The following PPP2R2B variants were observed in gnomAD, a reference collection of about 807,000 sequenced individuals.
PPP2R2B encodes the protein serine/threonine-protein phosphatase 2A 55 kDa regulatory subunit B beta isoform.
Under a neutral mutation model 46.0 loss-of-function variants are expected in PPP2R2B, and 5 were observed. That is an observed-to-expected ratio of 0.11 (90% CI 0.06 to 0.23). The LOEUF is 0.23. Among genes scored for constraint, PPP2R2B ranks in the 10% least tolerant of loss-of-function variants. The pLI is 1.00. For synonymous variants in PPP2R2B, 215 were observed against 206.7 expected (o/e 1.04, Z -0.34); for missense variants, 367 against 575.0 (o/e 0.64, Z 3.70).
chr5:146,624,320 T>C lies in PPP2R2B; in HGVS notation c.790+13931A>G, dbSNP rs115512214. ...TGTAAATTTCCCCTGCAAACTGTTGTTGTGAACTCGCTCTATGGCACCTTC... is the reference window on the plus strand; with the variant it reads ...TGTAAATTTCCCCTGCAAACTGTTGCTGTGAACTCGCTCTATGGCACCTTC... On this transcript the variant is annotated intron_variant, in intron 7 of 9. Transcript: ENST00000394411. Among the ~76,000 whole-genome samples the C allele has an allele frequency of 2.0e-3, 309 of 152,348 alleles. 2 individuals are homozygous for C. The highest frequency in any genetic ancestry group is 7.2e-3 in the African/African-American group (299 of 41,572).
intron 1 of PPP2R2B, chr5:146,914,102 A>G (rs1582414085): frequency 1.0e-5 from 1 of 99,508 alleles, no homozygotes; most frequent in Non-Finnish European, 1.7e-5. Flanking sequence ...GGTTTCTTTG[A>G]AAGTGGACTT....
At chr5:146,661,313 ACT>A (rs1776652267) in intron 5 of PPP2R2B, among the ~76,000 whole-genome samples, 2 of 152,134 alleles carry the variant, frequency 1.3e-5, no homozygotes, top group South Asian at 4.1e-4. Flanking sequence ...TCTTAAGGAC[ACT>A]CTCCTGGAAC....
At chr5:146,781,911 C>T (rs1238380733) in intron 2 of PPP2R2B, among the ~76,000 whole-genome samples, 1 of 152,216 alleles carries the variant, frequency 6.6e-6, no homozygotes, top group Admixed American at 6.5e-5. Context: ...AATTGCAATC[C>T]GTAAAGTTGG....
chr5:146,727,507 T>G (rs1751949123), intron 2 of PPP2R2B, among the ~76,000 whole-genome samples: 1 of 151,994 alleles, frequency 6.6e-6, no homozygotes, highest in Admixed American at 6.6e-5. Flanking sequence ...TAATAAACAT[T>G]GGAGACTTCT....
chr5:147,002,436 A>C (rs1354100169), intron 1 of PPP2R2B, among the ~76,000 whole-genome samples: 1 of 152,082 alleles, frequency 6.6e-6, no homozygotes, highest in Non-Finnish European at 1.5e-5. Flanking sequence ...ATGGCCCTCC[A>C]CTTCATTTTT....
intron 8 of PPP2R2B, among the ~76,000 whole-genome samples, chr5:146,599,702 GGTTT>G (rs1349019900): frequency 6.6e-6 from 1 of 152,112 alleles, no homozygotes; most frequent in Non-Finnish European, 1.5e-5. Context: ...AGAACATGCA[GGTTT>G]GTTACATATG....
intron 5 of PPP2R2B, among the ~76,000 whole-genome samples, chr5:146,686,459 A>G (rs1257675213): frequency 1.3e-5 from 2 of 152,220 alleles, no homozygotes; most frequent in African/African-American, 2.4e-5. Context: ...ATCTGGAGAG[A>G]AAAATAGAAC....
At chr5:146,931,590 C>T (rs1045197442) in intron 1 of PPP2R2B, among the ~76,000 whole-genome samples, 21 of 152,126 alleles carry the variant, frequency 1.4e-4, no homozygotes, top group Admixed American at 7.9e-4. Flanking sequence ...TTATTCCTAG[C>T]AACTCTAGTC....
At chr5:146,978,168 TG>T (rs1215225770) in intron 1 of PPP2R2B, among the ~76,000 whole-genome samples, 1 of 152,238 alleles carries the variant, frequency 6.6e-6, no homozygotes, top group Non-Finnish European at 1.5e-5. Flanking sequence ...GCCACTTAAA[TG>T]TCTTCTTTTA....
chr5:147,011,819 G>A (rs1754747841), intron 1 of PPP2R2B, among the ~76,000 whole-genome samples: 1 of 138,058 alleles, frequency 7.2e-6, no homozygotes, highest in Non-Finnish European at 1.6e-5. Flanking sequence ...GGCCTTTTCT[G>A]CATCTATTGA....
At position 147,054,506 on chromosome 5, in the gene PPP2R2B, T is replaced by C. The variant is rs145575536; in HGVS notation, c.79+1159A>G. 2.3e-3 allele frequency: 947 copies of C among 418,530 alleles called. 17 individuals carry two copies. The highest frequency in any genetic ancestry group is 4.7e-4 in the Non-Finnish European group (97 of 208,398). 25.9% of individuals were successfully genotyped at this position (418,530 alleles called of 1,614,324 possible). ...CTGTAAAAAAAAAGTCCATGAGATA[T>C]CAATGTCTATGAAAAATACCACCCT... On this transcript the variant is annotated intron_variant, in intron 1 of 8. Transcript: ENST00000336640.
chr5:146,886,596 C>T lies in PPP2R2B; in HGVS notation c.79+169069G>A, dbSNP rs535158309. 3.3e-5 allele frequency among the ~76,000 whole-genome samples: 5 copies of T among 151,832 alleles called. No individual in the cohort carries two copies. The East Asian group carries it at 7.8e-4, about 24-fold the overall frequency. The stretch of plus-strand genomic sequence containing the variant: ...TCCTTAAGGTATAGCAGTGCAGAAA[C>T]GCTTAAAAGTAGTGACAAAGATAGA... On this transcript the variant is annotated intron_variant, in intron 1 of 8. Coordinates refer to the PPP2R2B transcript ENST00000336640.
upstream of PPP2R2B, among the ~76,000 whole-genome samples, chr5:146,880,352 T>C (rs1027066157): frequency 6.6e-6 from 1 of 152,182 alleles, no homozygotes; most frequent in African/African-American, 2.4e-5. Context: ...CGGGTACAAG[T>C]TGATTTAATC....
At chr5:146,727,300 G>T (rs567604563) in intron 2 of PPP2R2B, among the ~76,000 whole-genome samples, 5 of 140,340 alleles carry the variant, frequency 3.6e-5, no homozygotes, top group Non-Finnish European at 7.5e-5. Context: ...GATTATGAGA[G>T]GTGTTTTTTT....
At chr5:146,728,897 T>C (rs1752050552) in intron 2 of PPP2R2B, among the ~76,000 whole-genome samples, 1 of 152,206 alleles carries the variant, frequency 6.6e-6, no homozygotes, top group African/African-American at 2.4e-5. Context: ...CTCAGGTATG[T>C]CTTTATCAGC....
intron 1 of PPP2R2B, among the ~76,000 whole-genome samples, chr5:146,904,083 G>C (rs1762924600): frequency 6.6e-6 from 1 of 152,116 alleles, no homozygotes; most frequent in Non-Finnish European, 1.5e-5. Context: ...AGAGCCAACT[G>C]TAGTAGGCTA....
At chr5:146,706,895 T>C (rs36025341) in intron 2 of PPP2R2B, 6 of 1,276,646 alleles carry the variant, frequency 4.7e-6, no homozygotes, top group Non-Finnish European at 6.8e-6. Flanking sequence ...CACAGACGTG[T>C]CCGAGATCTG....
intron 7 of PPP2R2B, among the ~76,000 whole-genome samples, chr5:146,628,111 A>T (rs1774181225): frequency 1.3e-5 from 2 of 151,880 alleles, no homozygotes; most frequent in Admixed American, 6.6e-5. Context: ...TGCCCAGCTA[A>T]TTTTTATATT....
chr5:146,882,963 T>G (rs184496803), upstream of PPP2R2B, among the ~76,000 whole-genome samples: 3 of 152,254 alleles, frequency 2.0e-5, no homozygotes, highest in East Asian at 5.8e-4. Flanking sequence ...CATGGTCCCC[T>G]CCCCCAACAC....
Sources: allele counts gnomAD v4.1 joint callset (sites outside exome capture counted in the v4.1 genomes callset), GRCh38; gene constraint gnomAD v4.1.1; transcripts MANE v1.5; gene names NCBI Gene and HGNC (gene_info 2026-07-23, HGNC 2026-07-21).